The following ADAMTS16 variants were observed in gnomAD, a reference collection of about 807,000 sequenced individuals.
ADAMTS16 encodes ADAM metallopeptidase with thrombospondin type 1 motif 16, also known as A disintegrin and metalloproteinase with thrombospondin motifs 16.
In ADAMTS16, 94 loss-of-function variants were observed where a neutral mutation model predicts 145.8. The observed-to-expected ratio is 0.64, with a 90% CI of 0.55 to 0.77. The LOEUF (loss-of-function observed/expected upper bound fraction) is 0.77. ADAMTS16 is among the 30% of genes least tolerant of loss of function. The pLI is 0.00. For synonymous variants in ADAMTS16, 659 were observed against 604.3 expected (o/e 1.09, Z -1.33); for missense variants, 1,585 against 1,591.5 (o/e 1.00, Z 0.07).
chr5:5,216,826 A>C (rs1433600297), intron 10 of ADAMTS16, among the ~76,000 whole-genome samples: 1 of 136,130 alleles, frequency 7.3e-6, no homozygotes, highest in Non-Finnish European at 1.5e-5. Context: ...CTCATTGTTC[A>C]ATTCCCACCT....
Position 5,319,974 on chromosome 5 carries a change from T to C in ADAMTS16, c.*836T>C, listed in dbSNP as rs1050409774. 1 of 453,058 alleles carries C rather than the reference T, an allele frequency of 2.2e-6. No individual in the cohort carries two copies. The highest frequency in any genetic ancestry group is 2.0e-5 in the African/African-American group (1 of 49,982). 28.1% of individuals were successfully genotyped at this position (453,058 alleles called of 1,614,324 possible). Reference sequence around the variant, plus strand: ...CGAAGTATAGGTTACATCAAAACCCTACCATCCTGAGAAGAGTTATGGTTC... The same window carrying C: ...CGAAGTATAGGTTACATCAAAACCCCACCATCCTGAGAAGAGTTATGGTTC... On this transcript the variant is annotated 3_prime_UTR_variant, in exon 23 of 23. Transcript: ENST00000274181.
chr5:5,262,646 C>T lies in ADAMTS16; in HGVS notation c.2663-11C>T. 6.2e-7 allele frequency: 1 copy of T among 1,610,474 alleles called. No individual in the cohort carries two copies. Among genetic ancestry groups the T allele is most frequent in the Non-Finnish European group, 8.5e-7 (1 of 1,178,652 alleles). ...GTGAGTCTTTATTCTACATTTCATC[C>T]TTGCCTGCAGGACAGATGACCGTGA... On this transcript the variant is annotated splice_polypyrimidine_tract_variant and intron_variant, in intron 17 of 22. Transcript: ENST00000274181.
intron 3 of ADAMTS16, among the ~76,000 whole-genome samples, chr5:5,174,080 G>A (rs1476904399): frequency 1.3e-5 from 2 of 152,154 alleles, no homozygotes; most frequent in East Asian, 3.9e-4. Context: ...GCTCACTAAT[G>A]TTCTTGTCTT....
chr5:5,229,734 G>A (rs1205979202), intron 11 of ADAMTS16, among the ~76,000 whole-genome samples: 2 of 152,178 alleles, frequency 1.3e-5, no homozygotes, highest in East Asian at 3.9e-4. Context: ...AAGCATCGTG[G>A]TTTTCCTGTA....
chr5:5,215,870 G>GTATATATATATATATATATA (rs55703329), intron 10 of ADAMTS16, among the ~76,000 whole-genome samples: 1 of 101,642 alleles, frequency 9.8e-6, no homozygotes, highest in African/African-American at 5.0e-5. Flanking sequence ...GTGTGTATGT[G>GTATATATATATATATATATA]TATATATATA....
intron 2 of ADAMTS16, among the ~76,000 whole-genome samples, chr5:5,143,462 T>C (rs1477549989): frequency 6.6e-6 from 1 of 152,184 alleles, no homozygotes. Context: ...TGGCAATCTT[T>C]AAAAAGTCAG....
intron 18 of ADAMTS16, among the ~76,000 whole-genome samples, chr5:5,277,835 A>G (rs1292667506): frequency 6.6e-6 from 1 of 152,170 alleles, no homozygotes; most frequent in Non-Finnish European, 1.5e-5. Context: ...TTTAAAAATT[A>G]GCCAGGTGTG....
intron 3 of ADAMTS16, among the ~76,000 whole-genome samples, chr5:5,180,861 A>G (rs1260425905): frequency 6.6e-6 from 1 of 152,216 alleles, no homozygotes; most frequent in Non-Finnish European, 1.5e-5. Context: ...CTGATGCCTT[A>G]CAGAATGTAA....
At chr5:5,260,360 T>A (rs576119112) in intron 17 of ADAMTS16, among the ~76,000 whole-genome samples, 1 of 152,236 alleles carries the variant, frequency 6.6e-6, no homozygotes, top group African/African-American at 2.4e-5. Context: ...AGGCTCAATA[T>A]GTTAAAATAA....
At chr5:5,311,252 C>T (rs1232688826) in intron 21 of ADAMTS16, among the ~76,000 whole-genome samples, 1 of 143,798 alleles carries the variant, frequency 7.0e-6, no homozygotes, top group East Asian at 2.1e-4. Flanking sequence ...CAAGTTCAAC[C>T]CAGCCCTGCA....
intron 4 of ADAMTS16, among the ~76,000 whole-genome samples, chr5:5,183,653 C>T (rs78889416): frequency 6.6e-6 from 1 of 152,204 alleles, no homozygotes; most frequent in Non-Finnish European, 1.5e-5. Flanking sequence ...TTTCGTTCCT[C>T]TCTGAAGGTG....
chr5:5,192,871 A>C (rs967899048), intron 8 of ADAMTS16, among the ~76,000 whole-genome samples: 1 of 152,258 alleles, frequency 6.6e-6, no homozygotes, highest in Non-Finnish European at 1.5e-5. Context: ...TTCCTGCCCA[A>C]GCAGCTGGGG....
chr5:5,205,126 A>G (rs963522569), intron 9 of ADAMTS16, among the ~76,000 whole-genome samples: 17 of 151,926 alleles, frequency 1.1e-4, no homozygotes, highest in African/African-American at 3.9e-4. Context: ...AGAGTATTGT[A>G]TACATTCTGA....
intron 21 of ADAMTS16, among the ~76,000 whole-genome samples, chr5:5,311,324 A>C (rs1180524770): frequency 3.3e-5 from 5 of 150,632 alleles, no homozygotes; most frequent in Non-Finnish European, 5.9e-5. Flanking sequence ...AAAACAAAAA[A>C]ACAAAAAAAC....
intron 17 of ADAMTS16, among the ~76,000 whole-genome samples, chr5:5,245,712 A>G (rs929913175): frequency 1.3e-5 from 2 of 152,142 alleles, no homozygotes; most frequent in Admixed American, 1.3e-4. Flanking sequence ...AGGACGGATA[A>G]ATCTTTTTGA....
intron 8 of ADAMTS16, among the ~76,000 whole-genome samples, chr5:5,195,010 C>T (rs945566819): frequency 1.3e-5 from 2 of 152,200 alleles, no homozygotes; most frequent in Non-Finnish European, 2.9e-5. Flanking sequence ...ATAAAGATTT[C>T]AGTTAGTGTC....
chr5:5,290,061 G>A (rs755436494), intron 18 of ADAMTS16, among the ~76,000 whole-genome samples: 6 of 152,330 alleles, frequency 3.9e-5, no homozygotes, highest in Admixed American at 6.5e-5. Context: ...TGACTTAGAT[G>A]ATGTATTGTT....
At chr5:5,161,077 A>G (rs1246084224) in intron 3 of ADAMTS16, among the ~76,000 whole-genome samples, 2 of 152,220 alleles carry the variant, frequency 1.3e-5, no homozygotes, top group African/African-American at 4.8e-5. Context: ...TTTATTACCT[A>G]TATTTTTGTA....
rs371621693 is a variant in ADAMTS16 at position 5,187,747 on chromosome 5, G to A, written c.986G>A (p.Gly329Glu). The A allele has an allele frequency of 9.9e-6, 16 of 1,612,368 alleles. No individual in the cohort carries two copies. The African/African-American group carries it at 2.1e-4, about 21-fold the overall frequency. ...CAGGTATCTGCTTTATTCAAAGATG[G>A]AACAATAGGAGGAAACATCAACATT... is the stretch of plus-strand genomic sequence containing the variant. Reference protein sequence around the residue: ...LNMVSALFKDGTIGGNINIAI... With the variant: ...LNMVSALFKDETIGGNINIAI... Residue 329 changes from glycine to glutamate, a missense_variant, in exon 6 of 23, where the codon GGA becomes GAA. Physicochemically the swap from Gly to Glu is moderately conservative, Grantham distance 98. Transcript: ENST00000274181.
Sources: allele counts gnomAD v4.1 joint callset (sites outside exome capture counted in the v4.1 genomes callset), GRCh38; gene constraint gnomAD v4.1.1; transcripts MANE v1.5; gene names NCBI Gene and HGNC (gene_info 2026-07-23, HGNC 2026-07-21).